The following SCAF4 variants were observed in gnomAD, a reference collection of about 807,000 sequenced individuals.
SCAF4 encodes the protein SR-related CTD associated factor 4.
SCAF4 carries 25 observed loss-of-function variants against 129.8 expected under a neutral mutation model. The ratio of observed to expected loss-of-function variants is 0.19; its 90% confidence interval spans 0.14 to 0.27. The LOEUF (loss-of-function observed/expected upper bound fraction) is 0.27, where lower values mean the gene tolerates loss of function less well. SCAF4 is among the 10% of genes least tolerant of loss of function. The probability of loss-of-function intolerance (pLI) is 1.00; values close to 1 mark genes in which losing one functional copy is unlikely to be tolerated. For synonymous variants in SCAF4, 551 were observed against 497.7 expected (o/e 1.11, Z -1.43); for missense variants, 1,246 against 1,457.1 (o/e 0.86, Z 2.36).
intron 1 of SCAF4, among the ~76,000 whole-genome samples, chr21:31,720,281 A>C (rs937784930): frequency 6.6e-6 from 1 of 152,252 alleles, no homozygotes; most frequent in African/African-American, 2.4e-5. Flanking sequence ...TAATGAGTTA[A>C]AATTTTTAAT....
Position 31,688,382 on chromosome 21 carries a change from T to C in SCAF4, c.1968A>G (p.Ser656=). 2 of 1,613,848 alleles carry C rather than the reference T, an allele frequency of 1.2e-6. No individual in the cohort carries two copies. The highest frequency in any genetic ancestry group is 1.7e-6 in the Non-Finnish European group (2 of 1,179,866). ...GAETSHTEPV[S]PIPKPLPVPV... is the part of the protein sequence containing the mutation. ...GCACAGGTAATGGTTTAGGTATGGGTGATACTGGTTCTGTGTGTGAGGTTT... is the reference window on the plus strand; with the variant it reads ...GCACAGGTAATGGTTTAGGTATGGGCGATACTGGTTCTGTGTGTGAGGTTT... Residue 656 remains serine (S), a synonymous_variant, in exon 16 of 20, where the codon TCA becomes TCG. Transcript: ENST00000286835.
rs138714779 is a variant in SCAF4, at chr21:31,698,399, T to C, written c.778-1649A>G. Among the ~76,000 whole-genome samples the C allele has an allele frequency of 3.6e-3, 551 of 152,294 alleles. 2 individuals carry two copies. The highest frequency in any genetic ancestry group is 6.8e-3 in the Middle Eastern group (2 of 294). On this transcript the variant is annotated intron_variant, in intron 7 of 19. Transcript: ENST00000286835. ...ATTAATAAGAGAAACATGCTCACCATCATGGCTTTTCCTAAATTTACCTAT... is the reference window on the plus strand; with the variant it reads ...ATTAATAAGAGAAACATGCTCACCACCATGGCTTTTCCTAAATTTACCTAT...
chr21:31,701,248 G>A (rs2050524729), intron 6 of SCAF4, 77 bp from the exon 7 acceptor site: 1 of 1,309,714 alleles, frequency 7.6e-7, no homozygotes. Flanking sequence ...ATAAAAAAAT[G>A]TCTTAAAGGT....
At chr21:31,691,040 C>G (rs1601205711) in intron 14 of SCAF4, 87 bp from the exon 15 acceptor site, 1 of 1,144,184 alleles carries the variant, frequency 8.7e-7, no homozygotes, top group East Asian at 2.6e-5. Flanking sequence ...TCTATCCATT[C>G]CGACTCGGGC....
At chr21:31,706,919 AGAG>A (rs2050678695) in intron 1 of SCAF4, 4 of 309,222 alleles carry the variant, frequency 1.3e-5, no homozygotes, top group South Asian at 3.0e-5. Context: ...TCTTCAATCC[AGAG>A]GAGTATTTTT....
chr21:31,695,893 C>A (rs546707537), intron 9 of SCAF4, among the ~76,000 whole-genome samples: 1 of 152,160 alleles, frequency 6.6e-6, no homozygotes, highest in Non-Finnish European at 1.5e-5. Context: ...ATTATTTTAA[C>A]TAAAAAAATG....
intron 10 of SCAF4, 120 bp downstream of exon 10, chr21:31,694,693 T>G: frequency 1.0e-6 from 1 of 955,054 alleles, no homozygotes; most frequent in Non-Finnish European, 1.6e-6. Context: ...TGAGAGGGTT[T>G]AATATGTACC....
chr21:31,701,303 T>C, intron 6 of SCAF4, 132 bp from the exon 7 acceptor site: 1 of 682,660 alleles, frequency 1.5e-6, no homozygotes, highest in Non-Finnish European at 2.2e-6. Flanking sequence ...GAAAAAATCC[T>C]TTTATGAATG....
chr21:31,701,032 G>C lies in SCAF4; in HGVS notation c.740C>G (p.Ala247Gly). 2 of 1,614,120 alleles carry C rather than the reference G, an allele frequency of 1.2e-6. No individual in the cohort carries two copies. Among genetic ancestry groups the C allele is most frequent in the Non-Finnish European group, 1.7e-6 (2 of 1,180,022 alleles). The change falls in exon 7 of 20, where the codon GCT becomes GGT. Residue 247 changes from alanine to glycine, a missense_variant. This residue lies in a region of SCAF4 where 143 missense variants were observed against 161.0 expected (regional missense o/e 0.89). Transcript: ENST00000286835. ...TPTQPSEQKAAFPPPEQKTAF... is the reference protein window; with the variant it reads ...TPTQPSEQKAGFPPPEQKTAF... Reference sequence around the variant, plus strand: ...AGTTTTCTGTTCAGGTGGGGGGAAAGCAGCTTTTTGTTCAGATGGTTGTGT... The same window carrying C: ...AGTTTTCTGTTCAGGTGGGGGGAAACCAGCTTTTTGTTCAGATGGTTGTGT...
intron 1 of SCAF4, among the ~76,000 whole-genome samples, chr21:31,714,807 T>C (rs949083171): frequency 6.6e-6 from 1 of 152,200 alleles, no homozygotes; most frequent in Non-Finnish European, 1.5e-5. Flanking sequence ...TTAAATAGGA[T>C]AATGTATGTA....
Position 31,693,366 on chromosome 21 carries a change from T to C in SCAF4, c.1441A>G (p.Arg481Gly). 3 of 1,570,012 alleles carry C rather than the reference T, an allele frequency of 1.9e-6. No homozygotes were observed. Among genetic ancestry groups the C allele is most frequent in the Non-Finnish European group, 2.6e-6 (3 of 1,148,898 alleles). The change falls in exon 12 of 20, where the codon AGA becomes GGA. Residue 481 changes from arginine (R) to glycine (G), a missense_variant. By Grantham distance (125) the Arg-to-Gly change is moderately radical. Transcript: ENST00000286835. Reference sequence around the variant, plus strand: ...TCTCTCTCTTTTTCTCGATCCCGTCTTTCTTGAGATCGAGATCGGGGAGAA... The same window carrying C: ...TCTCTCTCTTTTTCTCGATCCCGTCCTTCTTGAGATCGAGATCGGGGAGAA... The part of the protein sequence containing the change: ...RHSPRSRSQE[R>G]RDREKERERR...
rs1428582657 is a variant in SCAF4 at position 31,691,820 on chromosome 21, T to C, written c.1725A>G (p.Ile575Met). 1 of 1,564,986 alleles carries C rather than the reference T, an allele frequency of 6.4e-7. No homozygotes were observed. Among genetic ancestry groups the C allele is most frequent in the Admixed American group, 1.8e-5 (1 of 55,832 alleles). Reference sequence around the variant, plus strand: ...ATTATAACATGTAAGACTGTACCTTTATGGATTTCTGGTTCACTTTATAGT... The same window carrying C: ...ATTATAACATGTAAGACTGTACCTTCATGGATTTCTGGTTCACTTTATAGT... The part of the protein sequence containing the change: ...RGNYKVNQKS[I>M]KIAWALNKGI... The change falls in exon 14 of 20, where the codon ATA (isoleucine) becomes ATG (methionine). Residue 575 changes from isoleucine (I) to methionine (M), a missense_variant. Coordinates refer to ENST00000286835, the MANE Select transcript of SCAF4 (RefSeq NM_020706.2).
chr21:31,671,436 T>A lies in SCAF4; in HGVS notation c.3407A>T (p.Glu1136Val). The change falls in exon 20 of 20, where the codon GAA becomes GTA. Residue 1136 changes from glutamate to valine, a missense_variant. This residue lies in a region of SCAF4 where 339 missense variants were observed against 325.0 expected (regional missense o/e 1.04). Coordinates refer to ENST00000286835, the MANE Select transcript of SCAF4 (RefSeq NM_020706.2). ...PAEATSSVEP[E>V]KDSGSAAEAP... The stretch of plus-strand genomic sequence containing the variant: ...CTCTGCTGCTGAGCCAGAATCCTTT[T>A]CGGGTTCAACGGATGAGGTAGCCTC... 1 of 1,614,092 alleles carries A rather than the reference T, an allele frequency of 6.2e-7. No homozygotes were observed. The highest frequency in any genetic ancestry group is 8.5e-7 in the Non-Finnish European group (1 of 1,179,964).
Position 31,708,367 on chromosome 21 carries a change from G to A in SCAF4, c.31-2010C>T, listed in dbSNP as rs141806540. Among the ~76,000 whole-genome samples the A allele has an allele frequency of 7.9e-4, 119 of 150,834 alleles. 2 individuals are homozygous for A. The highest frequency in any genetic ancestry group is 2.8e-3 in the African/African-American group (115 of 41,018). On this transcript the variant is annotated intron_variant, in intron 1 of 19. Coordinates refer to ENST00000286835, the MANE Select transcript of SCAF4 (RefSeq NM_020706.2). ...TGCACGCCAGGCCAGGCGACAGAGCGAGACTCTGTCTTTAAAAAAAAAAAA... is the reference window on the plus strand; with the variant it reads ...TGCACGCCAGGCCAGGCGACAGAGCAAGACTCTGTCTTTAAAAAAAAAAAA...
At chr21:31,704,012 T>C (rs1041871611) in intron 3 of SCAF4, 86 bp from the exon 4 acceptor site, 2 of 783,738 alleles carry the variant, frequency 2.6e-6, no homozygotes, top group South Asian at 5.7e-5. Flanking sequence ...GAAACTTTTA[T>C]ATATCCATCC....
In SCAF4 at chr21:31,672,151, C is replaced by A; in HGVS notation, c.2692G>T (p.Ala898Ser). The change falls in exon 20 of 20, where the codon GCG becomes TCG. Residue 898 changes from alanine (A) to serine (S), a missense_variant. Ala to Ser is a moderately conservative substitution (Grantham distance 99, BLOSUM62 1). Transcript: ENST00000286835. ...TTCATTCCATGAGGTGGAGGCATCG[C>A]AAAGCCCCCTGGTCCTGGCGGTGGG... is the stretch of plus-strand genomic sequence containing the variant. The part of the protein sequence containing the change: ...RGPPPGPGGF[A>S]MPPPHGMKGP... 1 of 1,605,812 alleles carries A rather than the reference C, an allele frequency of 6.2e-7. No individual in the cohort carries two copies.
chr21:31,731,819 G>T lies in SCAF4; in HGVS notation c.-127C>A. ...GAGGCGACGAGCGGCGGAGTCCGAG[G>T]CCCGGGCAGGAAGAGGCTGCGCCCG... On this transcript the variant is annotated 5_prime_UTR_variant, in exon 1 of 20. Transcript: ENST00000286835. 8.8e-7 allele frequency: 1 copy of T among 1,130,828 alleles called. No homozygotes were observed. The allele number at this position is 1,130,828 out of a possible 1,614,324, so 70.0% of individuals were successfully genotyped here.
intron 1 of SCAF4, among the ~76,000 whole-genome samples, chr21:31,713,121 T>A (rs1175573082): frequency 1.3e-5 from 2 of 152,240 alleles, no homozygotes; most frequent in Non-Finnish European, 2.9e-5. Context: ...CTTACTTGTG[T>A]CTAAAGCAAA....
rs917835518 is a variant in SCAF4 at position 31,688,229 on chromosome 21, C to T, written c.2043+78G>A. 2.2e-6 allele frequency: 3 copies of T among 1,378,552 alleles called. No homozygotes were observed. In the African/African-American group the frequency reaches 4.4e-5, roughly 20 times the overall value. The allele number at this position is 1,378,552 out of a possible 1,614,324, so 85.4% of individuals were successfully genotyped here. On this transcript the variant is annotated intron_variant, in intron 16 of 19. Coordinates refer to ENST00000286835, the MANE Select transcript of SCAF4 (RefSeq NM_020706.2). ...GTACTCATGTTTTTTACTATGAATCCAGACATATATCTACAGTAAGATTTA... is the reference window on the plus strand; with the variant it reads ...GTACTCATGTTTTTTACTATGAATCTAGACATATATCTACAGTAAGATTTA...
Sources: allele counts gnomAD v4.1 joint callset (sites outside exome capture counted in the v4.1 genomes callset), GRCh38; gene constraint gnomAD v4.1.1; regional missense constraint gnomAD v4.1.1; transcripts MANE v1.5; gene names NCBI Gene and HGNC (gene_info 2026-07-23, HGNC 2026-07-21).